Variants in SDK1 observed in about 807,000 individuals in gnomAD.
SDK1 encodes the protein protein sidekick-1.
In SDK1, 157 loss-of-function variants were observed where a neutral mutation model predicts 245.5. The ratio of observed to expected loss-of-function variants is 0.64; its 90% CI spans 0.56 to 0.73. SDK1 has a LOEUF of 0.73. SDK1 is among the 30% of genes least tolerant of loss of function. The pLI is 0.00. For synonymous variants in SDK1, 1,647 were observed against 1,278.5 expected (o/e 1.29, Z -6.15); for missense variants, 3,583 against 3,002.3 (o/e 1.19, Z -4.52).
chr7:3,362,174 A>G (rs189424687), intron 1 of SDK1, among the ~76,000 whole-genome samples: 1 of 152,332 alleles, frequency 6.6e-6, no homozygotes, highest in African/African-American at 2.4e-5. Context: ...AGATGAAATT[A>G]ACCCTGGGAG....
intron 4 of SDK1, among the ~76,000 whole-genome samples, chr7:3,655,449 ATATATATATATATATATAT>A (rs2128657330): frequency 2.2e-4 from 1 of 4,450 alleles, no homozygotes; most frequent in Non-Finnish European, 4.3e-4. Flanking sequence ...AACAAAACAA[ATATATATATATATATATAT>A]ATATATATAT....
chr7:4,054,028 T>C (rs1326181171), intron 19 of SDK1, among the ~76,000 whole-genome samples: 2 of 152,056 alleles, frequency 1.3e-5, no homozygotes, highest in African/African-American at 4.8e-5. Flanking sequence ...AACCTCTGCC[T>C]CCAGGGTTCA....
intron 13 of SDK1, among the ~76,000 whole-genome samples, chr7:3,985,339 A>C (rs550122231): frequency 6.6e-6 from 1 of 152,366 alleles, no homozygotes; most frequent in Non-Finnish European, 1.5e-5. Flanking sequence ...TTTTCTTTTC[A>C]GGTGGGACTT....
chr7:4,138,510 C>A (rs1198951516), intron 28 of SDK1, among the ~76,000 whole-genome samples: 1 of 152,008 alleles, frequency 6.6e-6, no homozygotes, highest in African/African-American at 2.4e-5. Flanking sequence ...CTTTGGGAGG[C>A]TGAGAAGGGT....
At chr7:4,015,268 G>A (rs975322129) in intron 16 of SDK1, among the ~76,000 whole-genome samples, 1 of 152,150 alleles carries the variant, frequency 6.6e-6, no homozygotes, top group Admixed American at 6.5e-5. Flanking sequence ...TCCGATGCTG[G>A]TTCCTCAGCT....
chr7:3,983,167 G>A (rs899107461), intron 13 of SDK1, among the ~76,000 whole-genome samples: 8 of 152,202 alleles, frequency 5.3e-5, no homozygotes, highest in African/African-American at 1.7e-4. Context: ...TGGCAACAAG[G>A]CCTTAGAATA....
At chr7:3,826,332 G>A (rs1318129234) in intron 5 of SDK1, among the ~76,000 whole-genome samples, 1 of 152,154 alleles carries the variant, frequency 6.6e-6, no homozygotes, top group Non-Finnish European at 1.5e-5. Flanking sequence ...GACGTCTCAT[G>A]GCGCAATATG....
chr7:4,117,508 A>C lies in SDK1; in HGVS notation c.3823+3234A>C, dbSNP rs138868446. Among the ~76,000 whole-genome samples, 351 of 152,350 alleles carry C rather than the reference A, an allele frequency of 2.3e-3. 1 individual carries two copies. Among genetic ancestry groups the C allele is most frequent in the African/African-American group, 8.1e-3 (335 of 41,592 alleles). ...AATAAATGAATTCATCAACACACTC[A>C]TAAGAAAAACAGGGAAATCCTCAGG... On this transcript the variant is annotated intron_variant, in intron 25 of 44. Coordinates refer to ENST00000404826, the MANE Select transcript of SDK1 (RefSeq NM_152744.4).
chr7:4,237,115 C>A (rs535725161), intron 41 of SDK1, among the ~76,000 whole-genome samples: 42 of 152,242 alleles, frequency 2.8e-4, no homozygotes, highest in Admixed American at 1.0e-3. Context: ...TGGTCTTGAA[C>A]TCCTGGGCTT....
intron 1 of SDK1, among the ~76,000 whole-genome samples, chr7:3,488,794 C>T (rs1439299781): frequency 6.6e-6 from 1 of 152,128 alleles, no homozygotes; most frequent in Non-Finnish European, 1.5e-5. Flanking sequence ...AATCTGACAG[C>T]TTGGACTTGT....
chr7:3,506,512 G>T lies in SDK1; in HGVS notation c.299-112568G>T, dbSNP rs192691389. Among the ~76,000 whole-genome samples the T allele has an allele frequency of 5.9e-5, 9 of 151,988 alleles. No homozygotes were observed. In the East Asian group the frequency reaches 9.7e-4, roughly 16 times the overall value. Reference sequence around the variant, plus strand: ...TATAATTTGCCAAATTTTTAACATTGTATTTTCAAATGCTTTACTCTCTTG... The same window carrying T: ...TATAATTTGCCAAATTTTTAACATTTTATTTTCAAATGCTTTACTCTCTTG... On this transcript the variant is annotated intron_variant, in intron 1 of 44. Coordinates refer to ENST00000404826, the MANE Select transcript of SDK1 (RefSeq NM_152744.4).
At chr7:3,913,986 G>A (rs1194806190) in intron 5 of SDK1, among the ~76,000 whole-genome samples, 1 of 152,142 alleles carries the variant, frequency 6.6e-6, no homozygotes, top group East Asian at 1.9e-4. Context: ...CTTCCCTGAT[G>A]GTGCCTGCTT....
chr7:3,843,510 T>C (rs1445743828), intron 5 of SDK1, among the ~76,000 whole-genome samples: 2 of 152,260 alleles, frequency 1.3e-5, no homozygotes, highest in East Asian at 1.9e-4. Context: ...CTGTTTTCAA[T>C]TGGTGATATT....
chr7:3,335,287 ATCTT>A (rs577808519), intron 1 of SDK1, among the ~76,000 whole-genome samples: 241 of 152,258 alleles, frequency 1.6e-3, no homozygotes, highest in African/African-American at 5.6e-3. Flanking sequence ...GGTCCCAGTT[ATCTT>A]TCTTTATTTA....
chr7:3,594,034 C>T (rs1253303822), intron 1 of SDK1, among the ~76,000 whole-genome samples: 1 of 152,040 alleles, frequency 6.6e-6, no homozygotes, highest in African/African-American at 2.4e-5. Flanking sequence ...GTTGTGCAAC[C>T]ATCATCATAA....
At chr7:3,461,930 G>T (rs1005170520) in intron 1 of SDK1, among the ~76,000 whole-genome samples, 2 of 151,998 alleles carry the variant, frequency 1.3e-5, no homozygotes, top group African/African-American at 4.8e-5. Context: ...CTCTTAACCA[G>T]ATCAGTTTCA....
At chr7:3,492,288 A>T (rs760031660) in intron 1 of SDK1, among the ~76,000 whole-genome samples, 1 of 152,214 alleles carries the variant, frequency 6.6e-6, no homozygotes, top group Non-Finnish European at 1.5e-5. Flanking sequence ...GACAGAGTAG[A>T]TCGAGACCAT....
intron 4 of SDK1, among the ~76,000 whole-genome samples, chr7:3,721,412 C>T (rs1483899770): frequency 6.6e-6 from 1 of 152,150 alleles, no homozygotes; most frequent in Non-Finnish European, 1.5e-5. Context: ...CTGTACATTT[C>T]TTTGAACTCC....
chr7:3,350,050 G>A (rs763842984), intron 1 of SDK1, among the ~76,000 whole-genome samples: 2 of 152,190 alleles, frequency 1.3e-5, no homozygotes, highest in African/African-American at 2.4e-5. Flanking sequence ...GCTTTTTAAT[G>A]TAGCCCAATA....
Sources: gnomAD v4.1 joint callset for allele counts (sites outside exome capture counted in the v4.1 genomes callset) on GRCh38, gnomAD v4.1.1 for gene constraint, MANE v1.5 for transcripts, NCBI Gene and HGNC (gene_info 2026-07-23, HGNC 2026-07-21) for gene names.